The following VAMP1 variants were observed in gnomAD, a reference collection of about 807,000 sequenced individuals.
VAMP1 encodes vesicle associated membrane protein 1.
VAMP1 carries 16 observed loss-of-function variants against 19.1 expected under a neutral mutation model. The ratio of observed to expected loss-of-function variants is 0.84; its 90% confidence interval spans 0.57 to 1.27. The LOEUF is 1.27. Among genes scored for constraint, VAMP1 ranks in the 50% most tolerant of loss-of-function variants. The pLI, the probability that VAMP1 is intolerant of heterozygous loss-of-function variation, is 0.00. For synonymous variants in VAMP1, 37 were observed against 50.2 expected (o/e 0.74, Z 1.11); for missense variants, 109 against 145.4 (o/e 0.75, Z 1.29).
At position 6,470,651 on chromosome 12, in the gene VAMP1, C is replaced by T. The variant is rs1945752630; in HGVS notation, c.-120G>A. On this transcript the variant is annotated 5_prime_UTR_variant, in exon 1 of 5. Coordinates refer to ENST00000396308, the MANE Select transcript of VAMP1 (RefSeq NM_014231.5). The stretch of plus-strand genomic sequence containing the variant: ...AAGCTCCGCCTCGCGCCGACTACCC[C>T]GCGGTCTAGCTGCGCTGGAACTTAC... The T allele has an allele frequency of 3.0e-6, 4 of 1,328,560 alleles. No individual in the cohort carries two copies. The highest frequency in any genetic ancestry group is 4.3e-6 in the Non-Finnish European group (4 of 940,562). 82.3% of individuals were successfully genotyped at this position (1,328,560 alleles called of 1,614,324 possible).
In VAMP1 at chr12:6,470,627, A is replaced by AGCTCCGCCTC. The variant is rs1316573543; in HGVS notation, c.-106_-97dup. 1 of 1,544,234 alleles carries AGCTCCGCCTC rather than the reference A, an allele frequency of 6.5e-7. No homozygotes were observed. ...GCGGCTGAAGTGGACGGAACTGCCA[A>AGCTCCGCCTC]GCTCCGCCTCGCGCCGACTACCCCG... On this transcript the variant is annotated 5_prime_UTR_variant, in exon 1 of 5. Coordinates refer to ENST00000396308, the MANE Select transcript of VAMP1 (RefSeq NM_014231.5).
chr12:6,468,219 G>T (rs546118469), intron 1 of VAMP1, among the ~76,000 whole-genome samples: 1 of 152,364 alleles, frequency 6.6e-6, no homozygotes, highest in South Asian at 2.1e-4. Flanking sequence ...TCCGTGAAGG[G>T]AGCCAGGAGG....
Position 6,470,622 on chromosome 12 carries a change from T to C in VAMP1, c.-91A>G. On this transcript the variant is annotated 5_prime_UTR_variant, in exon 1 of 5. Coordinates refer to ENST00000396308, the MANE Select transcript of VAMP1 (RefSeq NM_014231.5). ...ACGCTGCGGCTGAAGTGGACGGAAC[T>C]GCCAAGCTCCGCCTCGCGCCGACTA... 2 of 1,560,284 alleles carry C rather than the reference T, an allele frequency of 1.3e-6. No homozygotes were observed. Among genetic ancestry groups the C allele is most frequent in the Non-Finnish European group, 1.8e-6 (2 of 1,136,400 alleles).
At chr12:6,465,422 ATATATAAATG>A (rs1437826580) in intron 3 of VAMP1, 2 of 115,582 alleles carry the variant, frequency 1.7e-5, no homozygotes, top group Middle Eastern at 3.8e-3. Context: ...ATGTATATAT[ATATATAAATG>A]TATATATATG....
At chr12:6,467,894 C>T (rs1443976108) in intron 1 of VAMP1, among the ~76,000 whole-genome samples, 1 of 152,238 alleles carries the variant, frequency 6.6e-6, no homozygotes, top group Non-Finnish European at 1.5e-5. Flanking sequence ...GCAGCTTCCA[C>T]ATGGTGTTGA....
intron 3 of VAMP1, chr12:6,465,217 C>A: frequency 2.0e-6 from 1 of 488,968 alleles, no homozygotes; most frequent in Admixed American, 2.8e-5. Context: ...AGAAGGCATT[C>A]CAATAGAGAT....
chr12:6,467,308 C>T (rs1177235884), intron 1 of VAMP1, among the ~76,000 whole-genome samples: 2 of 152,154 alleles, frequency 1.3e-5, no homozygotes, highest in Non-Finnish European at 1.5e-5. Context: ...CAGGAAAATG[C>T]GGGAAAGTTT....
intron 2 of VAMP1, 87 bp downstream of exon 2, chr12:6,466,138 A>G: frequency 6.2e-7 from 1 of 1,610,746 alleles, no homozygotes; most frequent in Non-Finnish European, 8.5e-7. Flanking sequence ...CTATTCTCCT[A>G]CGAAAAAAGG....
chr12:6,468,090 C>T (rs552903461), intron 1 of VAMP1, among the ~76,000 whole-genome samples: 5 of 152,354 alleles, frequency 3.3e-5, no homozygotes, highest in South Asian at 2.1e-4. Flanking sequence ...AGAGTCCCCA[C>T]TGGAACACTG....
chr12:6,466,408 C>A, intron 1 of VAMP1, 57 bp from the exon 2 acceptor site: 1 of 1,563,474 alleles, frequency 6.4e-7, no homozygotes, highest in Non-Finnish European at 8.7e-7. Flanking sequence ...AGGAGCTGGG[C>A]GTGGTAGCAC....
intron 3 of VAMP1, 35 bp downstream of exon 3, chr12:6,465,807 C>A: frequency 6.2e-7 from 1 of 1,610,702 alleles, no homozygotes; most frequent in Non-Finnish European, 8.5e-7. Flanking sequence ...AGTGGAAGCC[C>A]AGGAAAAGAT....
intron 1 of VAMP1, 33 bp from the exon 2 acceptor site, chr12:6,466,384 G>C: frequency 1.9e-6 from 3 of 1,588,886 alleles, no homozygotes; most frequent in Non-Finnish European, 2.6e-6. Flanking sequence ...TACACAAAGT[G>C]ACCAAGACAA....
At chr12:6,466,684 A>G in intron 1 of VAMP1, 2 of 220,808 alleles carry the variant, frequency 9.1e-6, no homozygotes, top group Non-Finnish European at 1.8e-5. Context: ...CTCTGCAACA[A>G]CATTTGGATG....
At position 6,466,338 on chromosome 12, in the gene VAMP1, G is replaced by C; in HGVS notation, c.16C>G (p.Gln6Glu). ...CCTTCTGTCCCTTCAGCAGGTGGCT[G>C]AGCTGGAGCAGACCTGTGGAAAGAC... MSAPAQPPAEGTEGTA... is the reference protein window; with the variant it reads MSAPAEPPAEGTEGTA... Residue 6 changes from glutamine (Q) to glutamate (E), a missense_variant, in exon 2 of 5, where the codon CAG becomes GAG. Gln to Glu is a conservative substitution (Grantham distance 29). Coordinates refer to ENST00000396308, the MANE Select transcript of VAMP1 (RefSeq NM_014231.5). 1 of 1,613,670 alleles carries C rather than the reference G, an allele frequency of 6.2e-7. No individual in the cohort carries two copies. Among genetic ancestry groups the C allele is most frequent in the Non-Finnish European group, 8.5e-7 (1 of 1,179,820 alleles).
chr12:6,467,179 C>G (rs980659038), intron 1 of VAMP1: 1 of 162,838 alleles, frequency 6.1e-6, no homozygotes, highest in Admixed American at 6.5e-5. Context: ...CAGACTAATA[C>G]AGTAAATTGG....
At position 6,462,413 on chromosome 12, in the gene VAMP1, G is replaced by A. The variant is rs1309365013; in HGVS notation, c.*2057C>T. The A allele has an allele frequency of 2.0e-5, 10 of 495,446 alleles. No individual in the cohort carries two copies. The highest frequency in any genetic ancestry group is 9.4e-5 in the South Asian group (3 of 31,982). The allele number at this position is 495,446 out of a possible 1,614,324, so 30.7% of individuals were successfully genotyped here. On this transcript the variant is annotated 3_prime_UTR_variant, in exon 5 of 5. Coordinates refer to ENST00000396308, the MANE Select transcript of VAMP1 (RefSeq NM_014231.5). ...AGACACACAGTGGAAACCCCACATC[G>A]TCTCATGGCAAACCGAAGAACGGGA...
chr12:6,469,810 CTGTG>C (rs778521186), intron 1 of VAMP1, among the ~76,000 whole-genome samples: 9 of 152,170 alleles, frequency 5.9e-5, no homozygotes, highest in Non-Finnish European at 1.3e-4. Context: ...GGAGACTAAA[CTGTG>C]TGTGTTGGAG....
rs752254884 is a variant in VAMP1, at chr12:6,463,373, C to T, written c.*1097G>A. 17 of 1,088,812 alleles carry T rather than the reference C, an allele frequency of 1.6e-5. No individual in the cohort carries two copies. Among genetic ancestry groups the T allele is most frequent in the African/African-American group, 5.0e-5 (3 of 60,286 alleles). The allele number at this position is 1,088,812 out of a possible 1,614,324, so 67.4% of individuals were successfully genotyped here. On this transcript the variant is annotated 3_prime_UTR_variant, in exon 5 of 5. Coordinates refer to ENST00000396308, the MANE Select transcript of VAMP1 (RefSeq NM_014231.5). This position sits in a 1 kb window ranked among gnomAD's most constrained non-coding sequence, Gnocchi z 4.0. ...CATGACTTCTCTGCATCCTGAGGAT[C>T]GGCCGGGCCCCAGGAAGAACCACTT...
chr12:6,467,191 A>C (rs1950043446), intron 1 of VAMP1: 1 of 162,744 alleles, frequency 6.1e-6, no homozygotes, highest in African/African-American at 2.4e-5. Flanking sequence ...GTAAATTGGT[A>C]CCAGTAGAGT....
Sources: allele counts gnomAD v4.1 joint callset (sites outside exome capture counted in the v4.1 genomes callset), GRCh38; gene constraint gnomAD v4.1.1; non-coding constraint Gnocchi (gnomAD v3.1); transcripts MANE v1.5; gene names NCBI Gene and HGNC (gene_info 2026-07-23, HGNC 2026-07-21).